Variants in BNC2 observed in about 807,000 individuals in gnomAD.
BNC2 encodes zinc finger protein basonuclin-2.
BNC2 carries 20 observed loss-of-function variants against 76.3 expected under a neutral mutation model. The observed-to-expected ratio is 0.26, with a 90% CI of 0.18 to 0.38. The LOEUF (loss-of-function observed/expected upper bound fraction) is 0.38. Among genes scored for constraint, BNC2 ranks in the 10% least tolerant of loss-of-function variants. The pLI, the probability that BNC2 is intolerant of heterozygous loss-of-function variation, is 1.00. For missense variants in BNC2, 1,382 were observed against 1,399.8 expected, an observed-to-expected ratio of 0.99 and a Z score of 0.20; for synonymous variants, 582 against 514.8, an observed-to-expected ratio of 1.13 and a Z score of -1.77.
intron 3 of BNC2, among the ~76,000 whole-genome samples, chr9:16,598,601 T>C (rs777604595): frequency 5.9e-5 from 9 of 152,202 alleles, no homozygotes; most frequent in Non-Finnish European, 1.0e-4. Context: ...AAGTACCTTC[T>C]TCTAAGTCCA....
rs141402344 is a variant in BNC2 at position 16,616,771 on chromosome 9, G to C, written c.331-33686C>G. Among the ~76,000 whole-genome samples, 4 of 148,712 alleles carry C rather than the reference G, an allele frequency of 2.7e-5. No individual in the cohort carries two copies. In the East Asian group the frequency reaches 8.0e-4, roughly 30 times the overall value. On this transcript the variant is annotated intron_variant, in intron 3 of 6. Coordinates refer to ENST00000380672, the MANE Select transcript of BNC2 (RefSeq NM_017637.6). ...AAGGAGGGCAGGAAGACAGGGATGGGAGGGGAGGGGAGGAAGGAGGGAAGG... is the reference window on the plus strand; with the variant it reads ...AAGGAGGGCAGGAAGACAGGGATGGCAGGGGAGGGGAGGAAGGAGGGAAGG...
chr9:16,863,359 T>C (rs1819460860), intron 1 of BNC2, among the ~76,000 whole-genome samples: 2 of 152,120 alleles, frequency 1.3e-5, no homozygotes, highest in South Asian at 4.1e-4. Context: ...AAGGATAACT[T>C]AGCCCATACT....
chr9:16,666,830 G>A (rs1005015440), intron 3 of BNC2, among the ~76,000 whole-genome samples: 2 of 152,168 alleles, frequency 1.3e-5, no homozygotes, highest in African/African-American at 4.8e-5. Flanking sequence ...TTGAGGAAGT[G>A]CTAATTCACT....
rs1820992249 is a variant in BNC2, at chr9:16,435,641, G to A, written c.2553C>T (p.His851=). 11 of 1,614,118 alleles carry A rather than the reference G, an allele frequency of 6.8e-6. No homozygotes were observed. In the East Asian group the frequency reaches 2.5e-4, roughly 36 times the overall value. ...TCTCTTTCAAGTGAACGTTCCTGTA[G>A]TGAAGTTTCACACTGTAGGAGCTTT... ...SFKSSYSVKL[H]YRNVHLKEMH... is the part of the protein sequence containing the mutation. Residue 851 remains histidine, a synonymous_variant, in exon 6 of 7, where the codon CAC becomes CAT. Transcript: ENST00000380672.
At chr9:16,567,934 T>C (rs1390068429) in intron 4 of BNC2, among the ~76,000 whole-genome samples, 3 of 152,150 alleles carry the variant, frequency 2.0e-5, no homozygotes, top group Admixed American at 1.3e-4. Flanking sequence ...ACGAAAAGGG[T>C]CTAAATGGAA....
At chr9:16,606,748 A>G (rs1420074602) in intron 3 of BNC2, among the ~76,000 whole-genome samples, 1 of 152,052 alleles carries the variant, frequency 6.6e-6, no homozygotes, top group African/African-American at 2.4e-5. Flanking sequence ...AGCAGAGACG[A>G]GGTTTCGCCA....
At chr9:16,445,264 A>G (rs1466402331) in intron 5 of BNC2, among the ~76,000 whole-genome samples, 1 of 152,188 alleles carries the variant, frequency 6.6e-6, no homozygotes, top group African/African-American at 2.4e-5. Context: ...TGACGGAGGA[A>G]GATGCACCGC....
chr9:16,715,287 T>G (rs1197098637), intron 3 of BNC2, among the ~76,000 whole-genome samples: 1 of 152,236 alleles, frequency 6.6e-6, no homozygotes, highest in Non-Finnish European at 1.5e-5. Flanking sequence ...TGATTTTTCT[T>G]TAAATGTGGG....
At chr9:16,673,586 C>A (rs1016442112) in intron 3 of BNC2, among the ~76,000 whole-genome samples, 4 of 152,048 alleles carry the variant, frequency 2.6e-5, no homozygotes, top group African/African-American at 9.7e-5. Context: ...AAAAAGTATA[C>A]CATCATCACA....
chr9:16,818,387 A>C (rs148817855), intron 1 of BNC2, among the ~76,000 whole-genome samples: 3,200 of 152,192 alleles, frequency 0.021, 107 homozygotes, highest in African/African-American at 0.072. Flanking sequence ...CTGGGCAACA[A>C]AGCGAGACTC....
At chr9:16,665,424 G>A (rs1587290948) in intron 3 of BNC2, among the ~76,000 whole-genome samples, 4 of 118,534 alleles carry the variant, frequency 3.4e-5, no homozygotes, top group South Asian at 2.6e-4. Context: ...AGAAAGGAAA[G>A]AAAGGAAAGA....
chr9:16,561,750 T>C (rs964532877), intron 4 of BNC2, among the ~76,000 whole-genome samples: 2 of 152,148 alleles, frequency 1.3e-5, no homozygotes, highest in Non-Finnish European at 2.9e-5. Context: ...CACCTGTAAA[T>C]CCAGCACTTT....
intron 3 of BNC2, among the ~76,000 whole-genome samples, chr9:16,677,036 G>C (rs77604643): frequency 0.04 from 6,054 of 152,122 alleles, 177 homozygotes; most frequent in East Asian, 0.099. Flanking sequence ...ACTGTTTTTA[G>C]GTAAATAATA....
intron 6 of BNC2, among the ~76,000 whole-genome samples, chr9:16,425,074 AATGTAAGG>A (rs1347736716): frequency 6.6e-6 from 1 of 152,184 alleles, no homozygotes; most frequent in Non-Finnish European, 1.5e-5. Context: ...AAAAGCCCCA[AATGTAAGG>A]AAGTACATAT....
Position 16,727,934 on chromosome 9 carries a change from C to G in BNC2, c.193G>C (p.Ala65Pro). 6.2e-7 allele frequency: 1 copy of G among 1,614,094 alleles called. No homozygotes were observed. The highest frequency in any genetic ancestry group is 8.5e-7 in the Non-Finnish European group (1 of 1,180,016). The change falls in exon 3 of 7, where the codon GCA becomes CCA. Residue 65 changes from alanine to proline, a missense_variant. Around this residue, in one of 3 missense-constraint regions of BNC2, gnomAD observed 557 missense variants for 540.9 expected, o/e 1.03. Coordinates refer to ENST00000380672, the MANE Select transcript of BNC2 (RefSeq NM_017637.6). ...GAGTCTCTTAAAGTCAAGTCTCTTG[C>G]CCTCTTTGGCTCTCTGTCTCTCTGT... Reference protein sequence around the residue: ...ETQRDREPKRARDLTLRDSCT... With the variant: ...ETQRDREPKRPRDLTLRDSCT...
intron 3 of BNC2, among the ~76,000 whole-genome samples, chr9:16,698,350 C>T (rs1051982453): frequency 6.6e-6 from 1 of 151,904 alleles, no homozygotes; most frequent in African/African-American, 2.4e-5. Flanking sequence ...AAACCAAGAA[C>T]TCATTAAATA....
chr9:16,587,245 G>C (rs1819798109), intron 3 of BNC2, among the ~76,000 whole-genome samples: 1 of 142,222 alleles, frequency 7.0e-6, no homozygotes, highest in Non-Finnish European at 1.5e-5. Context: ...ACAGAGTCTA[G>C]CTCTGTCACC....
chr9:16,431,764 G>A (rs1214226372), intron 6 of BNC2, among the ~76,000 whole-genome samples: 1 of 152,148 alleles, frequency 6.6e-6, no homozygotes, highest in African/African-American at 2.4e-5. Context: ...ATAGTTTTGG[G>A]ATGATTCAAT....
chr9:16,734,124 G>A (rs1218806995), intron 2 of BNC2, among the ~76,000 whole-genome samples: 4 of 152,054 alleles, frequency 2.6e-5, no homozygotes, highest in African/African-American at 9.7e-5. Context: ...TTCTCTTTTG[G>A]GTTTCAATTT....
Sources: gnomAD v4.1 joint callset for allele counts (sites outside exome capture counted in the v4.1 genomes callset) on GRCh38, gnomAD v4.1.1 for gene constraint, gnomAD v4.1.1 regional missense constraint, MANE v1.5 for transcripts, NCBI Gene and HGNC (gene_info 2026-07-23, HGNC 2026-07-21) for gene names.